MMP26: variants seen among roughly 807,000 people sequenced by gnomAD.
The protein encoded by MMP26 is matrix metallopeptidase 26, also known as matrix metalloproteinase-26.
MMP26 carries 33 observed loss-of-function variants against 31.0 expected under a neutral mutation model. That is an observed-to-expected ratio of 1.06 (90% CI 0.81 to 1.42). MMP26 has a LOEUF of 1.42. Among genes scored for constraint, MMP26 ranks in the 40% most tolerant of loss-of-function variants. The pLI, the probability that MMP26 is intolerant of heterozygous loss-of-function variation, is 0.00. For missense variants in MMP26, 347 were observed against 316.1 expected (o/e 1.10, Z -0.74); for synonymous variants, 122 against 114.9 (o/e 1.06, Z -0.40).
At chr11:4,788,613 C>T (rs1038252619) in intron 2 of MMP26, among the ~76,000 whole-genome samples, 1 of 151,944 alleles carries the variant, frequency 6.6e-6, no homozygotes, top group South Asian at 2.1e-4. Context: ...ATACAGTCAA[C>T]TACAGAAACA....
intron 2 of MMP26, among the ~76,000 whole-genome samples, chr11:4,858,365 A>G (rs1208046842): frequency 6.6e-6 from 1 of 152,228 alleles, no homozygotes; most frequent in Non-Finnish European, 1.5e-5. Context: ...GCTGATAAGC[A>G]GCTTCAGCAA....
intron 1 of MMP26, among the ~76,000 whole-genome samples, chr11:4,763,587 T>C (rs906601286): frequency 1.3e-5 from 2 of 152,208 alleles, no homozygotes; most frequent in African/African-American, 4.8e-5. Flanking sequence ...TGGCTAGAAA[T>C]ACTTCATGAG....
chr11:4,750,531 AG>A (rs1848434955), intron 1 of MMP26, among the ~76,000 whole-genome samples: 1 of 152,118 alleles, frequency 6.6e-6, no homozygotes, highest in Non-Finnish European at 1.5e-5. Flanking sequence ...AGTGTCCAAC[AG>A]TGGATGACTG....
rs148993633 is a variant in MMP26 at position 4,894,400 on chromosome 11, A to G, written c.-144-93668A>G. On this transcript the variant is annotated intron_variant, in intron 2 of 7. Transcript: ENST00000380390. ...CTTGCTTCCTATCTCATGTTAATTA[A>G]TATAATTTAAAATGTTTAGAATGCA... Among the ~76,000 whole-genome samples the G allele has an allele frequency of 4.1e-3, 621 of 152,272 alleles. 3 individuals are homozygous for G. The highest frequency in any genetic ancestry group is 0.014 in the African/African-American group (582 of 41,558).
intron 1 of MMP26, among the ~76,000 whole-genome samples, chr11:4,735,310 CTA>C (rs571694441): frequency 3.3e-5 from 5 of 152,120 alleles, no homozygotes; most frequent in African/African-American, 1.2e-4. Flanking sequence ...GTCTATATCA[CTA>C]TATATATGTG....
intron 2 of MMP26, 38 bp downstream of exon 2, chr11:4,767,379 A>G (rs1309171219): frequency 2.6e-5 from 4 of 152,150 alleles, no homozygotes; most frequent in Admixed American, 1.3e-4. Flanking sequence ...TATCACCCCA[A>G]TAAGTCCATT....
At chr11:4,859,963 C>T (rs561325859) in intron 2 of MMP26, 48 of 471,024 alleles carry the variant, frequency 1.0e-4, no homozygotes, top group African/African-American at 8.8e-4. Context: ...GACGATGAGG[C>T]CGTAGAGGCT....
intron 2 of MMP26, among the ~76,000 whole-genome samples, chr11:4,843,767 A>G (rs1849829441): frequency 1.3e-5 from 2 of 152,200 alleles, no homozygotes; most frequent in South Asian, 2.1e-4. Flanking sequence ...CCCCAGAAAA[A>G]TAGGTTTTTA....
At chr11:4,886,149 A>G (rs1175674612) in intron 2 of MMP26, among the ~76,000 whole-genome samples, 2 of 152,068 alleles carry the variant, frequency 1.3e-5, no homozygotes, top group East Asian at 1.9e-4. Flanking sequence ...TTATAAATAT[A>G]TATTTGATTC....
intron 2 of MMP26, among the ~76,000 whole-genome samples, chr11:4,952,847 A>G (rs1490179988): frequency 1.6e-5 from 2 of 125,582 alleles, no homozygotes; most frequent in Non-Finnish European, 3.6e-5. Flanking sequence ...ACTTGTATCT[A>G]TTAAAATTTT....
chr11:4,741,061 G>A (rs1482139857), intron 1 of MMP26, among the ~76,000 whole-genome samples: 1 of 152,182 alleles, frequency 6.6e-6, no homozygotes, highest in Non-Finnish European at 1.5e-5. Flanking sequence ...TTATATTTAA[G>A]TCTTTAATTC....
chr11:4,769,571 A>T lies in MMP26; in HGVS notation c.-145+2230A>T, dbSNP rs1282359330. 2 of 1,613,138 alleles carry T rather than the reference A, an allele frequency of 1.2e-6. 1 individual carries two copies. The highest frequency in any genetic ancestry group is 2.2e-5 in the South Asian group (2 of 91,046). ...ACGGTCAAAGGCTGTAGCCACCAGCACTCCAGATTCCATAAAAGTGAATCC... is the reference window on the plus strand; with the variant it reads ...ACGGTCAAAGGCTGTAGCCACCAGCTCTCCAGATTCCATAAAAGTGAATCC... On this transcript the variant is annotated intron_variant, in intron 2 of 7. Coordinates refer to ENST00000380390, the MANE Select transcript of MMP26 (RefSeq NM_021801.5).
chr11:4,783,352 G>A (rs570335494), intron 2 of MMP26, among the ~76,000 whole-genome samples: 35 of 152,296 alleles, frequency 2.3e-4, no homozygotes, highest in African/African-American at 6.3e-4. Flanking sequence ...GCTGGATTTC[G>A]GATTTGTGTG....
intron 2 of MMP26, among the ~76,000 whole-genome samples, chr11:4,767,682 T>C (rs2133417318): frequency 6.8e-6 from 1 of 146,936 alleles, no homozygotes; most frequent in Non-Finnish European, 1.5e-5. Context: ...GCTACTAATA[T>C]GACATCATAT....
intron 2 of MMP26, among the ~76,000 whole-genome samples, chr11:4,958,967 G>A (rs1029735036): frequency 2.6e-5 from 4 of 152,130 alleles, no homozygotes; most frequent in African/African-American, 4.8e-5. Flanking sequence ...GGCCGGGCGC[G>A]GTGGCTCACG....
chr11:4,748,576 C>CAAAAAAAAAAAAAAAAAAAA (rs376553434), intron 1 of MMP26, among the ~76,000 whole-genome samples: 2 of 122,714 alleles, frequency 1.6e-5, no homozygotes, highest in Non-Finnish European at 3.5e-5. Flanking sequence ...AACAGCACAT[C>CAAAAAAAAAAAAAAAAAAAA]AAAAAAAAAA....
chr11:4,946,829 G>C, intron 2 of MMP26: 1 of 1,587,684 alleles, frequency 6.3e-7, no homozygotes, highest in Admixed American at 1.7e-5. Flanking sequence ...AATTTCAGGA[G>C]CATTGAACAG....
rs1208533472 is a variant in MMP26, at chr11:4,843,619, C to T, written c.-145+76278C>T. ...CTGGCTCACAAAACCACTTCTCCCT[C>T]CTTGGCCTCCAGGCCTGTAGTGGGA... On this transcript the variant is annotated intron_variant, in intron 2 of 7. Coordinates refer to ENST00000380390, the MANE Select transcript of MMP26 (RefSeq NM_021801.5). Among the ~76,000 whole-genome samples the T allele has an allele frequency of 2.0e-5, 3 of 152,370 alleles. No individual in the cohort carries two copies. The East Asian group carries it at 5.8e-4, about 29-fold the overall frequency.
chr11:4,862,714 A>G (rs1317615714), intron 2 of MMP26, among the ~76,000 whole-genome samples: 2 of 152,136 alleles, frequency 1.3e-5, no homozygotes, highest in African/African-American at 4.8e-5. Context: ...TCTCTGCTAT[A>G]GTATAAGGAT....
Sources: gnomAD v4.1 joint callset for allele counts (sites outside exome capture counted in the v4.1 genomes callset) on GRCh38, gnomAD v4.1.1 for gene constraint, MANE v1.5 for transcripts, NCBI Gene and HGNC (gene_info 2026-07-23, HGNC 2026-07-21) for gene names.